Variants in RBMS3 observed in about 807,000 individuals in gnomAD.
RBMS3 encodes the protein RNA-binding motif, single-stranded-interacting protein 3.
Under a neutral mutation model 66.8 loss-of-function variants are expected in RBMS3, and 27 were observed. That is an observed-to-expected ratio of 0.40 (90% CI 0.30 to 0.56). The LOEUF (loss-of-function observed/expected upper bound fraction) is 0.56, where lower values mean the gene tolerates loss of function less well. Among genes scored for constraint, RBMS3 ranks in the 20% least tolerant of loss-of-function variants. The pLI is 0.40. For synonymous variants in RBMS3, 188 were observed against 183.0 expected, an observed-to-expected ratio of 1.03 and a Z score of -0.22; for missense variants, 513 against 549.5, an observed-to-expected ratio of 0.93 and a Z score of 0.66.
chr3:29,785,235 A>G (rs921221188), intron 6 of RBMS3, among the ~76,000 whole-genome samples: 10 of 152,114 alleles, frequency 6.6e-5, no homozygotes, highest in African/African-American at 2.4e-4. Context: ...ACAGACCAGT[A>G]TTCTTGATGA....
chr3:29,896,924 T>A (rs920128301), intron 8 of RBMS3, among the ~76,000 whole-genome samples: 1 of 151,666 alleles, frequency 6.6e-6, no homozygotes, highest in African/African-American at 2.4e-5. Flanking sequence ...ATTTTCTGCA[T>A]GAGGGCATGG....
At chr3:29,654,213 G>A in intron 4 of RBMS3, among the ~76,000 whole-genome samples, 1 of 152,152 alleles carries the variant, frequency 6.6e-6, no homozygotes, top group East Asian at 1.9e-4. Context: ...TATTTAGACA[G>A]TTTTAAACCT....
intron 4 of RBMS3, among the ~76,000 whole-genome samples, chr3:29,716,951 ATTTTC>A (rs924660668): frequency 5.9e-4 from 89 of 152,052 alleles, no homozygotes; most frequent in African/African-American, 2.1e-3. Context: ...TATAATACGT[ATTTTC>A]TTTTTATTTT....
At chr3:29,688,559 A>C in intron 4 of RBMS3, among the ~76,000 whole-genome samples, 1 of 139,576 alleles carries the variant, frequency 7.2e-6, no homozygotes, top group African/African-American at 2.7e-5. Flanking sequence ...CACAAAAGTT[A>C]CAGGATTTTT....
chr3:29,434,924 C>A lies in RBMS3; in HGVS notation c.248+9C>A, dbSNP rs781755051. 3.1e-6 allele frequency: 5 copies of A among 1,608,916 alleles called. No homozygotes were observed. Among genetic ancestry groups the A allele is most frequent in the Non-Finnish European group, 4.2e-6 (5 of 1,176,762 alleles). On this transcript the variant is annotated intron_variant, in intron 2 of 14. Transcript: ENST00000383767. ...ATCAAGCTGTGCCAACCGTAAGTGT[C>A]CTTCTGCTGCCCGTGCTGTTTCTCA...
intron 10 of RBMS3, among the ~76,000 whole-genome samples, chr3:29,919,712 T>G (rs1345334198): frequency 2.0e-5 from 3 of 152,200 alleles, no homozygotes; most frequent in Non-Finnish European, 4.4e-5. Flanking sequence ...TGAACTACAT[T>G]CAAGGGGCAG....
chr3:29,294,188 C>G lies in RBMS3; in HGVS notation c.75+12432C>G, dbSNP rs1450289834. Among the ~76,000 whole-genome samples, 3 of 151,708 alleles carry G rather than the reference C, an allele frequency of 2.0e-5. No individual in the cohort carries two copies. The East Asian group carries it at 5.8e-4, about 29-fold the overall frequency. ...TGTTTTGTGTGTCTTGTACATTGGT[C>G]CATTGCTGAAGGCAGTGCTTTTTTG... On this transcript the variant is annotated intron_variant, in intron 1 of 14. Transcript: ENST00000383767.
chr3:29,593,454 G>A (rs141171375), intron 4 of RBMS3, among the ~76,000 whole-genome samples: 140 of 152,300 alleles, frequency 9.2e-4, no homozygotes, highest in African/African-American at 3.3e-3. Flanking sequence ...ATGTAGGAAG[G>A]AAAGAGGCAT....
chr3:29,554,678 G>C (rs1402571150), intron 3 of RBMS3, among the ~76,000 whole-genome samples: 2 of 152,102 alleles, frequency 1.3e-5, no homozygotes, highest in Non-Finnish European at 2.9e-5. Context: ...GAAAAAGGAT[G>C]ATCAGGGCAT....
chr3:29,632,862 C>T (rs1427679419), intron 4 of RBMS3, among the ~76,000 whole-genome samples: 1 of 151,810 alleles, frequency 6.6e-6, no homozygotes, highest in Non-Finnish European at 1.5e-5. Context: ...TGCTTATTTC[C>T]CCACACCTGA....
chr3:29,760,540 A>G (rs1376249386), intron 5 of RBMS3, among the ~76,000 whole-genome samples: 1 of 151,986 alleles, frequency 6.6e-6, no homozygotes, highest in Non-Finnish European at 1.5e-5. Flanking sequence ...TTCCTCTCCC[A>G]TTCATGTCTC....
intron 4 of RBMS3, among the ~76,000 whole-genome samples, chr3:29,592,353 G>C (rs902218797): frequency 1.3e-5 from 2 of 152,046 alleles, no homozygotes; most frequent in Non-Finnish European, 2.9e-5. Flanking sequence ...TGAAGGATAT[G>C]AACAGACACT....
At chr3:29,557,024 C>T (rs1420779616) in intron 3 of RBMS3, among the ~76,000 whole-genome samples, 1 of 152,202 alleles carries the variant, frequency 6.6e-6, no homozygotes, top group Non-Finnish European at 1.5e-5. Context: ...TTGACTGCTT[C>T]TCTTTCTCTG....
intron 12 of RBMS3, among the ~76,000 whole-genome samples, chr3:29,984,025 T>A (rs1698194221): frequency 1.3e-5 from 2 of 152,212 alleles, no homozygotes; most frequent in South Asian, 4.1e-4. Context: ...GGTTCCATTC[T>A]CCCTGTCACT....
intron 4 of RBMS3, among the ~76,000 whole-genome samples, chr3:29,733,806 A>C (rs2054243279): frequency 6.6e-6 from 1 of 151,100 alleles, no homozygotes; most frequent in Non-Finnish European, 1.5e-5. Flanking sequence ...TCTTATCCAC[A>C]AAAAATCTTT....
chr3:29,497,588 A>T (rs2043802011), intron 3 of RBMS3, among the ~76,000 whole-genome samples: 1 of 152,176 alleles, frequency 6.6e-6, no homozygotes, highest in Non-Finnish European at 1.5e-5. Context: ...TCACCTTCTC[A>T]AAAAGTCCTC....
chr3:29,771,174 A>G (rs557600487), intron 6 of RBMS3, among the ~76,000 whole-genome samples: 3 of 152,144 alleles, frequency 2.0e-5, no homozygotes, highest in African/African-American at 7.2e-5. Context: ...TCAGCCCTGA[A>G]TGATGAATCA....
chr3:29,349,527 C>G (rs1012036019), intron 1 of RBMS3, among the ~76,000 whole-genome samples: 1 of 152,226 alleles, frequency 6.6e-6, no homozygotes, highest in African/African-American at 2.4e-5. Context: ...TGAAGCTCCT[C>G]TGTCTTAACT....
intron 3 of RBMS3, among the ~76,000 whole-genome samples, chr3:29,507,497 G>A (rs1440509562): frequency 1.3e-5 from 2 of 150,530 alleles, no homozygotes; most frequent in South Asian, 2.1e-4. Flanking sequence ...TATTAATTGC[G>A]AAAAAAAAAG....
Sources: gnomAD v4.1 joint callset for allele counts (sites outside exome capture counted in the v4.1 genomes callset) on GRCh38, gnomAD v4.1.1 for gene constraint, MANE v1.5 for transcripts, NCBI Gene and HGNC (gene_info 2026-07-23, HGNC 2026-07-21) for gene names.